ABHD2: variants seen among roughly 807,000 people sequenced by gnomAD.
The protein encoded by ABHD2 is monoacylglycerol lipase ABHD2.
A neutral mutation model predicts 48.1 loss-of-function variants in ABHD2; 20 were observed. The observed-to-expected ratio is 0.42, with a 90% CI of 0.29 to 0.60. The LOEUF (loss-of-function observed/expected upper bound fraction) is 0.60, where lower values mean the gene tolerates loss of function less well. Ranked by LOEUF, ABHD2 falls within the 20% of genes least tolerant of loss-of-function variation. ABHD2 has a pLI of 0.24. For missense variants in ABHD2, 405 were observed against 550.9 expected (o/e 0.74, Z 2.65); for synonymous variants, 209 against 214.2 (o/e 0.98, Z 0.21).
At chr15:89,133,201 A>G (rs1461571808) in intron 3 of ABHD2, among the ~76,000 whole-genome samples, 1 of 152,178 alleles carries the variant, frequency 6.6e-6, no homozygotes, top group Non-Finnish European at 1.5e-5. Context: ...AATATCACTC[A>G]GAGATTTGTC....
At chr15:89,162,065 C>A (rs1035878453) in intron 5 of ABHD2, among the ~76,000 whole-genome samples, 3 of 152,112 alleles carry the variant, frequency 2.0e-5, no homozygotes, top group Admixed American at 1.3e-4. Flanking sequence ...TAGGGCCCAC[C>A]CTAACAACCA....
At position 89,182,747 on chromosome 15, in the gene ABHD2, C is replaced by G. The variant is rs1461662577; in HGVS notation, c.723-2677C>G. Among the ~76,000 whole-genome samples the G allele has an allele frequency of 1.3e-5, 2 of 152,136 alleles. No homozygotes were observed. The highest frequency in any genetic ancestry group is 4.8e-5 in the African/African-American group (2 of 41,416). ...GGTGGAGGTTGCAGTGAGCTGAGAT[C>G]ACACCACTGCACTCCAGCCTGAGCA... On this transcript the variant is annotated intron_variant, in intron 6 of 10. Transcript: ENST00000352732. This position sits in a 1 kb window ranked among gnomAD's most constrained non-coding sequence, Gnocchi z 4.8.
chr15:89,082,564 CA>C (rs1489973767), upstream of ABHD2: 1 of 152,396 alleles, frequency 6.6e-6, no homozygotes, highest in Non-Finnish European at 1.5e-5. The surrounding 1 kb of genome is among the most constrained non-coding windows in gnomAD (Gnocchi z 4.4). Flanking sequence ...CTTCAAAAAC[CA>C]ATTCAAATCT....
chr15:89,065,922 T>G, the ABHD2 span, among the ~76,000 whole-genome samples: 16 of 152,196 alleles, frequency 1.1e-4, no homozygotes, highest in Non-Finnish European at 2.2e-4. Flanking sequence ...CCTGCTATGT[T>G]CCTGGCACTT....
At chr15:89,111,114 T>G (rs961394592) in intron 1 of ABHD2, among the ~76,000 whole-genome samples, 1 of 152,244 alleles carries the variant, frequency 6.6e-6, no homozygotes. Context: ...GCATTAAAGC[T>G]TTATCACATA....
chr15:89,127,706 C>CATACATATATATAT (rs58331064), intron 3 of ABHD2, among the ~76,000 whole-genome samples: 14 of 129,896 alleles, frequency 1.1e-4, no homozygotes, highest in African/African-American at 5.0e-4. Flanking sequence ...TATATATATA[C>CATACATATATATAT]ATATATATAT....
chr15:89,128,539 G>A (rs186993377), intron 3 of ABHD2, among the ~76,000 whole-genome samples: 1 of 152,258 alleles, frequency 6.6e-6, no homozygotes, highest in Non-Finnish European at 1.5e-5. Flanking sequence ...ATCTTCATTT[G>A]GCTAGACTTT....
intron 5 of ABHD2, among the ~76,000 whole-genome samples, chr15:89,172,123 T>G (rs1664258528): frequency 6.6e-6 from 1 of 152,168 alleles, no homozygotes; most frequent in African/African-American, 2.4e-5. Context: ...GCTACACTCT[T>G]GTTTAAATAT....
the ABHD2 span, among the ~76,000 whole-genome samples, chr15:89,078,336 T>C: frequency 2.0e-5 from 3 of 152,286 alleles, no homozygotes; most frequent in Admixed American, 6.5e-5. Context: ...ATCATCATGA[T>C]AGGGCATATA....
chr15:89,162,076 C>T (rs1321230600), intron 5 of ABHD2, among the ~76,000 whole-genome samples: 1 of 152,206 alleles, frequency 6.6e-6, no homozygotes, highest in Admixed American at 6.5e-5. Context: ...CTAACAACCA[C>T]ATTTTGGCTT....
At chr15:89,065,019 A>C in the ABHD2 span, among the ~76,000 whole-genome samples, 1 of 152,122 alleles carries the variant, frequency 6.6e-6, no homozygotes, top group African/African-American at 2.4e-5. Context: ...TAATTTTATC[A>C]TATGAGTATG....
rs1437212039 is a variant in ABHD2, at chr15:89,184,848, G to GGT, written c.723-575_723-574dup. ...AGCCCCACCAGCTGTGCCTACAAAG[G>GGT]GTTAAGGGCCTGTCTACTTCCACTT... On this transcript the variant is annotated intron_variant, in intron 6 of 10. Transcript: ENST00000352732. The surrounding 1 kb of genome is among the most constrained non-coding windows in gnomAD (Gnocchi z 5.1). 6.6e-6 allele frequency among the ~76,000 whole-genome samples: 1 copy of GGT among 152,184 alleles called. No individual in the cohort carries two copies. Among genetic ancestry groups the GGT allele is most frequent in the Admixed American group, 6.5e-5 (1 of 15,286 alleles).
At chr15:89,135,542 C>T in intron 3 of ABHD2, 1 of 1,399,930 alleles carries the variant, frequency 7.1e-7, no homozygotes, top group Non-Finnish European at 9.9e-7. Context: ...CTAGAACCAA[C>T]TTATTCATCA....
the ABHD2 span, among the ~76,000 whole-genome samples, chr15:89,056,660 A>T: frequency 6.6e-6 from 1 of 152,040 alleles, no homozygotes; most frequent in African/African-American, 2.4e-5. Context: ...TAAAATAAAA[A>T]AATAAAATTC....
At chr15:89,067,410 T>C in the ABHD2 span, among the ~76,000 whole-genome samples, 2 of 151,922 alleles carry the variant, frequency 1.3e-5, no homozygotes, top group Non-Finnish European at 2.9e-5. Flanking sequence ...AGCCTGGGAG[T>C]GCTAGAAGCA....
At chr15:89,150,239 G>A (rs954406780) in intron 3 of ABHD2, among the ~76,000 whole-genome samples, 1 of 152,180 alleles carries the variant, frequency 6.6e-6, no homozygotes, top group African/African-American at 2.4e-5. Flanking sequence ...CTCCAGGAGT[G>A]ATCAAAAGCT....
chr15:89,163,305 G>A (rs1176619215), intron 5 of ABHD2, among the ~76,000 whole-genome samples: 1 of 152,226 alleles, frequency 6.6e-6, no homozygotes, highest in East Asian at 1.9e-4. Flanking sequence ...GATCTGCCTT[G>A]CACAGAATTT....
Position 89,155,581 on chromosome 15 carries a change from C to T in ABHD2, c.538+47C>T. The T allele has an allele frequency of 6.4e-7, 1 of 1,574,774 alleles. No homozygotes were observed. Among genetic ancestry groups the T allele is most frequent in the South Asian group, 1.1e-5 (1 of 87,466 alleles). ...CCTCCCTTTTTCTGCAAGTGTGCTACTACTTCTGCTTCTGCCTTGTTTTTT... is the reference window on the plus strand; with the variant it reads ...CCTCCCTTTTTCTGCAAGTGTGCTATTACTTCTGCTTCTGCCTTGTTTTTT... On this transcript the variant is annotated intron_variant, in intron 5 of 10. Transcript: ENST00000352732. This position sits in a 1 kb window ranked among gnomAD's most constrained non-coding sequence, Gnocchi z 4.9.
rs1555429066 is a variant in ABHD2 at position 89,135,144 on chromosome 15, T to TTTTCTTTC, written c.195-16530_195-16529insCTTTCTTT. Reference sequence around the variant, plus strand: ...TCAACAAAATGGCTACAACTTTTTCTTTTTTTTTTTTTTTTTTGCAATTAC... The same window carrying TTTTCTTTC: ...TCAACAAAATGGCTACAACTTTTTCTTTTCTTTCTTTTTTTTTTTTTTTTTGCAATTAC... On this transcript the variant is annotated intron_variant, in intron 3 of 10. Transcript: ENST00000352732. 3.5e-5 allele frequency among the ~76,000 whole-genome samples: 3 copies of TTTTCTTTC among 86,654 alleles called. No individual in the cohort carries two copies. The Admixed American group carries it at 3.6e-4, about 10-fold the overall frequency. 56.8% of individuals were successfully genotyped at this position (86,654 alleles called of 152,430 possible).
Sources: allele counts gnomAD v4.1 joint callset (sites outside exome capture counted in the v4.1 genomes callset), GRCh38; gene constraint gnomAD v4.1.1; non-coding constraint Gnocchi (gnomAD v3.1); transcripts MANE v1.5; gene names NCBI Gene and HGNC (gene_info 2026-07-23, HGNC 2026-07-21).